NMNAT2: variants seen among roughly 807,000 people sequenced by gnomAD.
The protein encoded by NMNAT2 is nicotinamide/nicotinic acid mononucleotide adenylyltransferase 2.
A neutral mutation model predicts 41.6 loss-of-function variants in NMNAT2; 11 were observed. The observed-to-expected ratio is 0.26, with a 90% CI of 0.17 to 0.44. The LOEUF (loss-of-function observed/expected upper bound fraction) is 0.44, where lower values mean the gene tolerates loss of function less well. NMNAT2 is among the 20% of genes least tolerant of loss of function. The pLI is 1.00. For missense variants in NMNAT2, 288 were observed against 407.7 expected (o/e 0.71, Z 2.53); for synonymous variants, 148 against 151.2 (o/e 0.98, Z 0.16).
chr1:183,379,490 AC>A (rs1663756255), intron 1 of NMNAT2, among the ~76,000 whole-genome samples: 1 of 152,190 alleles, frequency 6.6e-6, no homozygotes, highest in Non-Finnish European at 1.5e-5. Flanking sequence ...CATGAACCCC[AC>A]TTTTAATATA....
chr1:183,252,929 T>C (rs1389851192), intron 10 of NMNAT2, among the ~76,000 whole-genome samples, 186 bp from the exon 11 acceptor site: 1 of 152,238 alleles, frequency 6.6e-6, no homozygotes, highest in African/African-American at 2.4e-5. Context: ...TCATTCATCG[T>C]GGTTCTGCCA....
chr1:183,398,326 A>G (rs1648713412), intron 1 of NMNAT2, among the ~76,000 whole-genome samples: 1 of 152,222 alleles, frequency 6.6e-6, no homozygotes, highest in African/African-American at 2.4e-5. Context: ...GCCAGTACAT[A>G]ATGGTAAAGG....
At chr1:183,291,194 A>G (rs994763407) in intron 3 of NMNAT2, among the ~76,000 whole-genome samples, 2 of 152,086 alleles carry the variant, frequency 1.3e-5, no homozygotes, top group Non-Finnish European at 1.5e-5. Context: ...TGGGATTACA[A>G]GCATGAGCCC....
chr1:183,355,535 C>T (rs1291412488), intron 1 of NMNAT2, among the ~76,000 whole-genome samples: 1 of 152,256 alleles, frequency 6.6e-6, no homozygotes, highest in Non-Finnish European at 1.5e-5. Flanking sequence ...AACTGATTGA[C>T]ATCCGTCTCC....
At chr1:183,281,858 G>A (rs1034614591) in intron 7 of NMNAT2, among the ~76,000 whole-genome samples, 1 of 152,208 alleles carries the variant, frequency 6.6e-6, no homozygotes, top group African/African-American at 2.4e-5. Flanking sequence ...GGGGACACGT[G>A]AGCCCCAGCG....
intron 1 of NMNAT2, among the ~76,000 whole-genome samples, chr1:183,313,811 C>T (rs1662181749): frequency 6.6e-6 from 1 of 152,112 alleles, no homozygotes; most frequent in Non-Finnish European, 1.5e-5. Context: ...TTTTAAAATC[C>T]AACAACAACA....
intron 1 of NMNAT2, among the ~76,000 whole-genome samples, chr1:183,409,927 G>A (rs1649069289): frequency 6.6e-6 from 1 of 152,154 alleles, no homozygotes; most frequent in Admixed American, 6.5e-5. Context: ...TGTTATTTTG[G>A]TGGGTTGTAC....
chr1:183,257,289 A>G (rs1462384112), intron 10 of NMNAT2, among the ~76,000 whole-genome samples: 1 of 151,912 alleles, frequency 6.6e-6, no homozygotes, highest in Non-Finnish European at 1.5e-5. Context: ...AAAAATACAA[A>G]AATTAGCTGG....
chr1:183,418,256 G>A lies in NMNAT2; in HGVS notation c.12C>T (p.Thr4=), dbSNP rs755271360. 2 of 1,614,134 alleles carry A rather than the reference G, an allele frequency of 1.2e-6. No homozygotes were observed. Among genetic ancestry groups the A allele is most frequent in the South Asian group, 1.1e-5 (1 of 91,070 alleles). The change falls in exon 1 of 11, where the codon ACC becomes ACT. Residue 4 remains threonine, a synonymous_variant. Coordinates refer to ENST00000287713, the MANE Select transcript of NMNAT2 (RefSeq NM_015039.4). ...CGAGCAAGATAACGTGGGTCTTGGT[G>A]GTCTCGGTCATGGTGCAGATGGGTC... MTE[T]TKTHVILLAC... is the part of the protein sequence containing the mutation.
chr1:183,339,738 C>T (rs1371302060), intron 1 of NMNAT2, among the ~76,000 whole-genome samples: 2 of 151,084 alleles, frequency 1.3e-5, no homozygotes, highest in Admixed American at 6.6e-5. Context: ...TTTTTGATAA[C>T]TGCCCTGCCA....
At chr1:183,404,321 C>A (rs996211870) in intron 1 of NMNAT2, among the ~76,000 whole-genome samples, 1 of 152,148 alleles carries the variant, frequency 6.6e-6, no homozygotes, top group African/African-American at 2.4e-5. Flanking sequence ...AACTCCTGAC[C>A]TCAGGTGATC....
intron 1 of NMNAT2, among the ~76,000 whole-genome samples, chr1:183,411,567 T>G (rs2485935): frequency 0.68 from 103,618 of 151,828 alleles, 35,602 homozygotes; most frequent in East Asian, 0.89. Context: ...GCCTCCCAAA[T>G]TGCTGGGATT....
At chr1:183,264,455 G>A (rs987791382) in intron 8 of NMNAT2, among the ~76,000 whole-genome samples, 6 of 151,992 alleles carry the variant, frequency 3.9e-5, no homozygotes, top group Non-Finnish European at 7.4e-5. Context: ...CAGATGGGTC[G>A]AGGGAGACAG....
intron 1 of NMNAT2, among the ~76,000 whole-genome samples, chr1:183,387,341 A>G (rs1034282031): frequency 6.6e-5 from 10 of 151,858 alleles, no homozygotes; most frequent in African/African-American, 2.4e-4. Context: ...CCTAATGGAT[A>G]GATAAGACTA....
chr1:183,363,579 T>TACACACACACAC (rs146304060), intron 1 of NMNAT2, among the ~76,000 whole-genome samples: 16 of 147,586 alleles, frequency 1.1e-4, no homozygotes, highest in Admixed American at 3.4e-4. Context: ...CACACACACA[T>TACACACACACAC]ACACACACAC....
intron 1 of NMNAT2, among the ~76,000 whole-genome samples, chr1:183,316,092 A>G (rs545894963): frequency 6.6e-6 from 1 of 152,284 alleles, no homozygotes; most frequent in South Asian, 2.1e-4. Context: ...TCCATCCCTG[A>G]CATCCTCTGC....
intron 1 of NMNAT2, among the ~76,000 whole-genome samples, chr1:183,329,047 A>G (rs1429071127): frequency 6.6e-6 from 1 of 152,182 alleles, no homozygotes; most frequent in East Asian, 1.9e-4. Flanking sequence ...TCAGCTACAG[A>G]GAAAGAGGCA....
chr1:183,309,056 T>C (rs1446892175), intron 1 of NMNAT2, among the ~76,000 whole-genome samples: 2 of 152,138 alleles, frequency 1.3e-5, no homozygotes, highest in African/African-American at 4.8e-5. Flanking sequence ...TCTCACTCTG[T>C]GCCCTGGCTG....
chr1:183,275,896 T>C (rs1344629645), intron 8 of NMNAT2, among the ~76,000 whole-genome samples: 1 of 152,072 alleles, frequency 6.6e-6, no homozygotes, highest in Non-Finnish European at 1.5e-5. Flanking sequence ...ATGGTCTTGA[T>C]CTCCTGACCT....
Sources: allele counts gnomAD v4.1 joint callset (sites outside exome capture counted in the v4.1 genomes callset), GRCh38; gene constraint gnomAD v4.1.1; transcripts MANE v1.5; gene names NCBI Gene and HGNC (gene_info 2026-07-23, HGNC 2026-07-21).